KIZ: variants seen among roughly 807,000 people sequenced by gnomAD.
KIZ encodes the protein kizuna centrosomal protein.
In KIZ, 68 loss-of-function variants were observed where a neutral mutation model predicts 79.6. The observed-to-expected ratio is 0.85, with a 90% CI of 0.70 to 1.05. The LOEUF (loss-of-function observed/expected upper bound fraction) is 1.05, where lower values mean the gene tolerates loss of function less well. Ranked by LOEUF, KIZ falls within the 50% of genes least tolerant of loss-of-function variation. The pLI is 0.00. For missense variants in KIZ, 797 were observed against 800.4 expected (o/e 1.00, Z 0.05); for synonymous variants, 280 against 281.8 (o/e 0.99, Z 0.06).
rs1260485917 is a variant in KIZ, at chr20:21,162,149, A to T, written c.684A>T (p.Ala228=). ...AGTCTGACAACATAGATGGAAAGGC[A>T]TCTCTTCAGATTGGTGAGAAAATGC... ...LNKSDNIDGK[A]SLQIGEKMPV... Residue 228 remains alanine (A), a synonymous_variant, in exon 5 of 13, where the codon GCA becomes GCT. Transcript: ENST00000619189. The T allele has an allele frequency of 6.2e-7, 1 of 1,610,930 alleles. No homozygotes were observed. Among genetic ancestry groups the T allele is most frequent in the East Asian group, 2.2e-5 (1 of 44,872 alleles).
chr20:21,241,702 C>T (rs1028396543), intron 11 of KIZ, among the ~76,000 whole-genome samples: 2 of 152,180 alleles, frequency 1.3e-5, no homozygotes, highest in African/African-American at 4.8e-5. Flanking sequence ...GTGCCACATG[C>T]GGAAGTGAGG....
intron 6 of KIZ, among the ~76,000 whole-genome samples, chr20:21,201,736 G>A (rs1236839890): frequency 6.6e-6 from 1 of 151,994 alleles, no homozygotes; most frequent in Non-Finnish European, 1.5e-5. Flanking sequence ...TTTTTTATGT[G>A]TCATCAATGT....
Position 21,145,612 on chromosome 20 carries a change from C to A in KIZ, c.363C>A (p.Ser121Arg). 1 of 1,527,772 alleles carries A rather than the reference C, an allele frequency of 6.5e-7. No individual in the cohort carries two copies. The highest frequency in any genetic ancestry group is 8.8e-7 in the Non-Finnish European group (1 of 1,130,620). The allele number at this position is 1,527,772 out of a possible 1,614,324, so 94.6% of individuals were successfully genotyped here. A position where few individuals can be genotyped will look rare whatever the true frequency, so the allele number is the denominator to read the frequency against. ...QIKKMLCSKD[S>R]LGLKEELTDE... ...AGAAGATGCTATGCTCAAAAGATAG[C>A]CTGGGACTAAAAGAGGAACTGACAG... Residue 121 changes from serine to arginine, a missense_variant, in exon 4 of 13, where the codon AGC (serine) becomes AGA (arginine). Physicochemically the swap from Ser to Arg is moderately radical, Grantham distance 110 (BLOSUM62 -1). Transcript: ENST00000619189.
chr20:21,210,028 A>G (rs1385183090), intron 7 of KIZ, among the ~76,000 whole-genome samples: 1 of 152,120 alleles, frequency 6.6e-6, no homozygotes, highest in Non-Finnish European at 1.5e-5. Flanking sequence ...TGTTAACATT[A>G]TGGTGTATGT....
intron 4 of KIZ, among the ~76,000 whole-genome samples, chr20:21,149,086 C>T (rs1369148961): frequency 6.6e-6 from 1 of 152,100 alleles, no homozygotes; most frequent in Non-Finnish European, 1.5e-5. Flanking sequence ...TATTGTTGTC[C>T]CCATTTTATA....
intron 3 of KIZ, among the ~76,000 whole-genome samples, chr20:21,144,708 A>C (rs1322550525): frequency 2.6e-5 from 4 of 152,156 alleles, no homozygotes; most frequent in Admixed American, 2.6e-4. Flanking sequence ...TCGTATGTCA[A>C]AACAAAGCTC....
intron 6 of KIZ, among the ~76,000 whole-genome samples, chr20:21,168,820 C>A (rs2034073491): frequency 6.6e-6 from 1 of 152,262 alleles, no homozygotes; most frequent in East Asian, 1.9e-4. Context: ...CTGACAAAAA[C>A]AAGCAATGGG....
chr20:21,149,646 A>G (rs1011044884), intron 4 of KIZ, among the ~76,000 whole-genome samples: 14 of 152,212 alleles, frequency 9.2e-5, no homozygotes, highest in African/African-American at 3.4e-4. Flanking sequence ...CAGAGAAGAC[A>G]GCACCCCAGT....
chr20:21,163,080 A>C lies in KIZ; in HGVS notation c.1273A>C (p.Thr425Pro). 1 of 1,613,790 alleles carries C rather than the reference A, an allele frequency of 6.2e-7. No individual in the cohort carries two copies. The highest frequency in any genetic ancestry group is 1.3e-5 in the African/African-American group (1 of 75,034). ...HAEQERVALSTEKNCILQTLS... is the reference protein window; with the variant it reads ...HAEQERVALSPEKNCILQTLS... ...TGAGCAAGAAAGAGTTGCCCTATCCACTGAAAAAAATTGTATTTTGCAAAC... is the reference window on the plus strand; with the variant it reads ...TGAGCAAGAAAGAGTTGCCCTATCCCCTGAAAAAAATTGTATTTTGCAAAC... The change falls in exon 6 of 13, where the codon ACT becomes CCT. Residue 425 changes from threonine to proline, a missense_variant. Transcript: ENST00000619189.
chr20:21,132,194 G>A, intron 2 of KIZ, 35 bp downstream of exon 2: 4 of 1,008,006 alleles, frequency 4.0e-6, no homozygotes, highest in Non-Finnish European at 5.9e-6. Context: ...TTTCAAGCCA[G>A]GTTCCATATA....
chr20:21,166,414 C>A, intron 6 of KIZ: 8 of 1,596,234 alleles, frequency 5.0e-6, no homozygotes, highest in Non-Finnish European at 6.8e-6. Flanking sequence ...AGGTTCACAA[C>A]AATTTCCCAG....
intron 12 of KIZ, chr20:21,245,400 C>G (rs900294074): frequency 6.6e-6 from 1 of 152,240 alleles, no homozygotes; most frequent in Non-Finnish European, 1.5e-5. Flanking sequence ...TGGCCACTCA[C>G]TGGCATTGTG....
chr20:21,195,720 T>A (rs1254958449), intron 6 of KIZ: 2 of 152,224 alleles, frequency 1.3e-5, no homozygotes, highest in East Asian at 3.8e-4. Flanking sequence ...TTTTAAAAAT[T>A]GGGAGCTGTT....
intron 1 of KIZ, among the ~76,000 whole-genome samples, chr20:21,128,754 C>T (rs1322836651): frequency 6.6e-6 from 1 of 152,194 alleles, no homozygotes; most frequent in Admixed American, 6.5e-5. Flanking sequence ...TATACAAAAA[C>T]ATCCTTTTAA....
At chr20:21,201,171 G>A (rs561545976) in intron 6 of KIZ, among the ~76,000 whole-genome samples, 1 of 152,056 alleles carries the variant, frequency 6.6e-6, no homozygotes, top group South Asian at 2.1e-4. Flanking sequence ...ACAGCAAGAT[G>A]CTGTCTCAAA....
chr20:21,236,699 A>C (rs1320838187), intron 11 of KIZ, among the ~76,000 whole-genome samples: 2 of 152,192 alleles, frequency 1.3e-5, no homozygotes, highest in Non-Finnish European at 2.9e-5. Context: ...TTTTTTTAAA[A>C]AAATGATATG....
intron 6 of KIZ, among the ~76,000 whole-genome samples, chr20:21,167,218 C>T (rs1301572385): frequency 6.6e-6 from 1 of 152,164 alleles, no homozygotes; most frequent in Non-Finnish European, 1.5e-5. Flanking sequence ...ATTTGTGATA[C>T]AGCAATAAGA....
intron 7 of KIZ, among the ~76,000 whole-genome samples, chr20:21,212,540 G>A (rs2036111589): frequency 6.6e-6 from 1 of 152,208 alleles, no homozygotes; most frequent in Admixed American, 6.5e-5. Context: ...TAACTATGAT[G>A]TTCAGTAGGT....
intron 6 of KIZ, chr20:21,196,404 A>T (rs1043267344): frequency 6.6e-6 from 1 of 152,298 alleles, no homozygotes; most frequent in African/African-American, 2.4e-5. Context: ...TTACCGCTTC[A>T]TAATTCCTGA....
Sources: allele counts gnomAD v4.1 joint callset (sites outside exome capture counted in the v4.1 genomes callset), GRCh38; gene constraint gnomAD v4.1.1; transcripts MANE v1.5; gene names NCBI Gene and HGNC (gene_info 2026-07-23, HGNC 2026-07-21).